Variants in SDK1 observed in about 807,000 individuals in gnomAD.
The protein encoded by SDK1 is sidekick cell adhesion molecule 1, also known as protein sidekick-1.
A neutral mutation model predicts 245.5 loss-of-function variants in SDK1; 157 were observed. That is an observed-to-expected ratio of 0.64 (90% CI 0.56 to 0.73). The LOEUF is 0.73. Ranked by LOEUF, SDK1 falls within the 30% of genes least tolerant of loss-of-function variation. SDK1 has a pLI of 0.00. For missense variants in SDK1, 3,583 were observed against 3,002.3 expected (o/e 1.19, Z -4.52); for synonymous variants, 1,647 against 1,278.5 (o/e 1.29, Z -6.15).
intron 1 of SDK1, among the ~76,000 whole-genome samples, chr7:3,451,921 G>A (rs2128591860): frequency 1.3e-5 from 2 of 152,286 alleles, no homozygotes; most frequent in South Asian, 4.1e-4. Context: ...GGGAGTGTTA[G>A]CATAGCACGC....
intron 1 of SDK1, among the ~76,000 whole-genome samples, chr7:3,608,941 A>G (rs1213598766): frequency 7.2e-5 from 11 of 152,322 alleles, no homozygotes; most frequent in Admixed American, 4.6e-4. Context: ...ATATCCTTCA[A>G]CTGAAACAAC....
Position 4,210,326 on chromosome 7 carries a change from G to C in SDK1, c.5539+164G>C, listed in dbSNP as rs957858709. Among the ~76,000 whole-genome samples the C allele has an allele frequency of 3.9e-5, 6 of 152,320 alleles. No individual in the cohort carries two copies. In the South Asian group the frequency reaches 1.2e-3, roughly 32 times the overall value. On this transcript the variant is annotated intron_variant, in intron 38 of 44. Coordinates refer to ENST00000404826, the MANE Select transcript of SDK1 (RefSeq NM_152744.4). ...GAGCTGGACGGGGCTGGAGCTGAGT[G>C]CGAGGGGAGCGGGGACTCGCGGGGA...
chr7:3,688,782 T>C (rs886501616), intron 4 of SDK1, among the ~76,000 whole-genome samples: 1 of 152,164 alleles, frequency 6.6e-6, no homozygotes, highest in Non-Finnish European at 1.5e-5. Flanking sequence ...TGAGGAGTCT[T>C]TCAGGCCTCA....
At chr7:3,318,361 T>C (rs1034649085) in intron 1 of SDK1, among the ~76,000 whole-genome samples, 1 of 152,234 alleles carries the variant, frequency 6.6e-6, no homozygotes, top group African/African-American at 2.4e-5. Flanking sequence ...GAATCACTTG[T>C]CTGTGTTTCA....
intron 5 of SDK1, among the ~76,000 whole-genome samples, chr7:3,850,678 T>TA (rs1191363284): frequency 6.6e-6 from 1 of 152,052 alleles, no homozygotes; most frequent in Non-Finnish European, 1.5e-5. Context: ...TATGCGGCCA[T>TA]AAAAAAGGAT....
At chr7:3,635,104 A>C (rs1052546127) in intron 2 of SDK1, among the ~76,000 whole-genome samples, 2 of 152,236 alleles carry the variant, frequency 1.3e-5, no homozygotes, top group African/African-American at 4.8e-5. Context: ...AGCATGTAAT[A>C]ATCAAAGCCG....
At chr7:3,700,000 AGAT>A (rs61299079) in intron 4 of SDK1, among the ~76,000 whole-genome samples, 152,292 of 152,302 alleles carry the variant, frequency 1, 76,141 homozygotes, top group Middle Eastern at 1. Context: ...GAATGTCATC[AGAT>A]GATCTCTCAT....
At position 3,425,107 on chromosome 7, in the gene SDK1, G is replaced by C. The variant is rs572828133; in HGVS notation, c.298+123223G>C. Among the ~76,000 whole-genome samples the C allele has an allele frequency of 1.4e-4, 16 of 112,196 alleles. No homozygotes were observed. In the South Asian group the frequency reaches 5.2e-3, roughly 36 times the overall value. 73.6% of individuals were successfully genotyped at this position (112,196 alleles called of 152,430 possible). A position where few individuals can be genotyped will look rare whatever the true frequency, so the allele number is the denominator to read the frequency against. On this transcript the variant is annotated intron_variant, in intron 1 of 44. Coordinates refer to ENST00000404826, the MANE Select transcript of SDK1 (RefSeq NM_152744.4). ...TTTTTTCAAACTTGAGAGTCATACA[G>C]TTGCCAGCTTTTTTTTTTTTTTTTA...
rs553684473 is a variant in SDK1 at position 3,532,888 on chromosome 7, T to C, written c.299-86192T>C. On this transcript the variant is annotated intron_variant, in intron 1 of 44. Coordinates refer to ENST00000404826, the MANE Select transcript of SDK1 (RefSeq NM_152744.4). Reference sequence around the variant, plus strand: ...TCTTTAGCCCTCTTTCCCTCCTTGTTCTCCTCCCTGCCTCTGGACTCATTG... The same window carrying C: ...TCTTTAGCCCTCTTTCCCTCCTTGTCCTCCTCCCTGCCTCTGGACTCATTG... 5.9e-5 allele frequency among the ~76,000 whole-genome samples: 9 copies of C among 152,202 alleles called. No individual in the cohort carries two copies. The East Asian group carries it at 1.7e-3, about 29-fold the overall frequency.
chr7:3,366,031 T>A (rs1562443189), intron 1 of SDK1, among the ~76,000 whole-genome samples: 1 of 129,682 alleles, frequency 7.7e-6, no homozygotes, highest in African/African-American at 2.7e-5. Context: ...AAGAATGAAA[T>A]TCTGTCTCAA....
At position 3,316,423 on chromosome 7, in the gene SDK1, A is replaced by G. The variant is rs373933980; in HGVS notation, c.298+14539A>G. On this transcript the variant is annotated intron_variant, in intron 1 of 44. Transcript: ENST00000404826. The stretch of plus-strand genomic sequence containing the variant: ...ATATAACCTAGGTGTGTAGGAGGCC[A>G]TAACATCTAGGTTTGTGTAAGTGAT... 3.3e-5 allele frequency among the ~76,000 whole-genome samples: 5 copies of G among 152,318 alleles called. No individual in the cohort carries two copies. In the East Asian group the frequency reaches 5.8e-4, roughly 18 times the overall value.
At chr7:4,203,004 G>C (rs952097242) in intron 35 of SDK1, among the ~76,000 whole-genome samples, 1 of 152,184 alleles carries the variant, frequency 6.6e-6, no homozygotes, top group Admixed American at 6.5e-5. Context: ...TTTTGATCCA[G>C]CTGAAGCTCG....
intron 1 of SDK1, among the ~76,000 whole-genome samples, chr7:3,437,431 A>G (rs773957813): frequency 1.3e-5 from 2 of 152,162 alleles, no homozygotes; most frequent in African/African-American, 2.4e-5. Context: ...AAAGATGTGA[A>G]AATTTACAAA....
intron 30 of SDK1, among the ~76,000 whole-genome samples, chr7:4,152,182 A>G (rs1780428984): frequency 1.3e-5 from 2 of 152,156 alleles, no homozygotes; most frequent in African/African-American, 4.8e-5. Flanking sequence ...GCCAAGAAAT[A>G]AGGCAATCGG....
At chr7:3,619,274 C>A (rs374296421) in intron 2 of SDK1, 35 bp downstream of exon 2, 1 of 1,578,202 alleles carries the variant, frequency 6.3e-7, no homozygotes, top group East Asian at 2.3e-5. Flanking sequence ...GATCCCATTT[C>A]AGTTGATGTG....
At chr7:3,736,990 T>C (rs548189838) in intron 4 of SDK1, among the ~76,000 whole-genome samples, 38 of 152,354 alleles carry the variant, frequency 2.5e-4, no homozygotes, top group African/African-American at 9.1e-4. Flanking sequence ...GTTGTACTTT[T>C]TTAGATTTCA....
chr7:3,687,304 T>A (rs984684615), intron 4 of SDK1, among the ~76,000 whole-genome samples: 1 of 152,112 alleles, frequency 6.6e-6, no homozygotes, highest in Non-Finnish European at 1.5e-5. Context: ...AATTTTTGTA[T>A]TTTTAGGAGA....
At chr7:4,210,879 G>A (rs79407166) in intron 38 of SDK1, among the ~76,000 whole-genome samples, 1,655 of 152,294 alleles carry the variant, frequency 0.011, 33 homozygotes, top group African/African-American at 0.038. Flanking sequence ...AAGAGAGGAG[G>A]GCTAACACAA....
chr7:3,692,672 T>G (rs1784467795), intron 4 of SDK1, among the ~76,000 whole-genome samples: 2 of 152,118 alleles, frequency 1.3e-5, no homozygotes, highest in South Asian at 4.1e-4. Context: ...AATTACTTGG[T>G]CAAAGGGTAT....
Sources: allele counts gnomAD v4.1 joint callset (sites outside exome capture counted in the v4.1 genomes callset), GRCh38; gene constraint gnomAD v4.1.1; transcripts MANE v1.5; gene names NCBI Gene and HGNC (gene_info 2026-07-23, HGNC 2026-07-21).